The following CYTH3 variants were observed in gnomAD, a reference collection of about 807,000 sequenced individuals.
The protein encoded by CYTH3 is cytohesin 3, also known as cytohesin-3.
A neutral mutation model predicts 55.1 loss-of-function variants in CYTH3; 23 were observed. The observed-to-expected ratio is 0.42, with a 90% CI of 0.30 to 0.59. The LOEUF (loss-of-function observed/expected upper bound fraction) is 0.59. Among genes scored for constraint, CYTH3 ranks in the 20% least tolerant of loss-of-function variants. CYTH3 has a pLI of 0.20. For missense variants in CYTH3, 413 were observed against 524.8 expected (o/e 0.79, Z 2.08); for synonymous variants, 249 against 194.9 (o/e 1.28, Z -2.31).
At chr7:6,185,825 T>G (rs1346703471) in intron 4 of CYTH3, among the ~76,000 whole-genome samples, 5 of 152,128 alleles carry the variant, frequency 3.3e-5, no homozygotes, top group Non-Finnish European at 7.3e-5. Flanking sequence ...CCTGCACTTA[T>G]GTGAGTTTAC....
chr7:6,236,720 C>G (rs1224248355), intron 1 of CYTH3, among the ~76,000 whole-genome samples: 1 of 152,108 alleles, frequency 6.6e-6, no homozygotes, highest in East Asian at 1.9e-4. Flanking sequence ...TGCCACCACA[C>G]CCAGCTAATT....
chr7:6,253,585 A>G (rs1326679337), intron 1 of CYTH3, among the ~76,000 whole-genome samples: 2 of 151,978 alleles, frequency 1.3e-5, no homozygotes, highest in Non-Finnish European at 2.9e-5. Context: ...TGGGAGGCCA[A>G]GGCGGGCAGA....
chr7:6,211,397 G>A (rs1436446172), intron 1 of CYTH3, among the ~76,000 whole-genome samples: 2 of 152,278 alleles, frequency 1.3e-5, no homozygotes, highest in Non-Finnish European at 2.9e-5. Flanking sequence ...TGCGGAGCCT[G>A]ACTCCTGGCT....
chr7:6,226,789 G>C (rs767631351), intron 1 of CYTH3, among the ~76,000 whole-genome samples: 7 of 152,106 alleles, frequency 4.6e-5, no homozygotes, highest in African/African-American at 1.4e-4. Flanking sequence ...ACTGGTTTAA[G>C]AGGAAAGGGG....
chr7:6,234,406 T>G (rs532029361), intron 1 of CYTH3, among the ~76,000 whole-genome samples: 1 of 152,220 alleles, frequency 6.6e-6, no homozygotes, highest in Non-Finnish European at 1.5e-5. Flanking sequence ...ACAGAGCCTA[T>G]TGGAGGAAAA....
intron 9 of CYTH3, among the ~76,000 whole-genome samples, chr7:6,166,922 C>T (rs748110881): frequency 2.2e-4 from 33 of 152,180 alleles, no homozygotes; most frequent in Non-Finnish European, 4.3e-4. Flanking sequence ...ACCAGCCTAC[C>T]TGTTAAAGGG....
At chr7:6,272,381 G>A in intron 1 of CYTH3, 93 bp downstream of exon 1, 1 of 1,152,800 alleles carries the variant, frequency 8.7e-7, no homozygotes, top group Non-Finnish European at 1.1e-6. Flanking sequence ...CGTCTCCTCC[G>A]GCGAACCCCG....
chr7:6,272,073 A>T (rs894404717), intron 1 of CYTH3, among the ~76,000 whole-genome samples: 14 of 151,860 alleles, frequency 9.2e-5, no homozygotes, highest in Non-Finnish European at 1.9e-4. Flanking sequence ...CGCCCACCTG[A>T]GCTGAAAGGG....
intron 4 of CYTH3, among the ~76,000 whole-genome samples, chr7:6,184,982 G>A (rs966599607): frequency 6.6e-6 from 1 of 152,068 alleles, no homozygotes; most frequent in Non-Finnish European, 1.5e-5. Flanking sequence ...GCACTACTTG[G>A]GTCCCCTTAA....
chr7:6,195,517 C>T (rs1459365471), intron 1 of CYTH3, among the ~76,000 whole-genome samples: 5 of 152,048 alleles, frequency 3.3e-5, no homozygotes, highest in Admixed American at 3.3e-4. Context: ...TACAATGGCA[C>T]GATCTGGGCT....
At chr7:6,262,137 C>A (rs768475629) in intron 1 of CYTH3, among the ~76,000 whole-genome samples, 1 of 152,032 alleles carries the variant, frequency 6.6e-6, no homozygotes, top group Admixed American at 6.6e-5. Flanking sequence ...GAAGAAGATA[C>A]AGAGTGAACG....
chr7:6,179,564 G>A (rs899178435), intron 4 of CYTH3, among the ~76,000 whole-genome samples: 1 of 150,308 alleles, frequency 6.7e-6, no homozygotes, highest in Non-Finnish European at 1.5e-5. Flanking sequence ...TACCCACAGG[G>A]GCACCATCTA....
intron 1 of CYTH3, among the ~76,000 whole-genome samples, chr7:6,207,061 A>G (rs1033648246): frequency 2.7e-5 from 4 of 148,512 alleles, no homozygotes; most frequent in African/African-American, 1.0e-4. Context: ...AAACATTCCA[A>G]TTTCACAGAA....
chr7:6,252,184 A>C (rs756680534), intron 1 of CYTH3, among the ~76,000 whole-genome samples: 25 of 152,248 alleles, frequency 1.6e-4, no homozygotes, highest in Non-Finnish European at 2.8e-4. Context: ...AAATTTGAGT[A>C]CTACTGAACA....
chr7:6,256,637 G>A (rs1433547937), intron 1 of CYTH3, among the ~76,000 whole-genome samples: 3 of 152,202 alleles, frequency 2.0e-5, no homozygotes, highest in African/African-American at 7.2e-5. Context: ...GAAGGTAATA[G>A]AGACTTAAAT....
In CYTH3 at chr7:6,171,346, A is replaced by G; in HGVS notation, c.450-32T>C. On this transcript the variant is annotated intron_variant, in intron 6 of 12. Transcript: ENST00000350796. The surrounding 1 kb of genome is among the most constrained non-coding windows in gnomAD (Gnocchi z 6.7). ...AGACACCAAAGCCATGGGAAGCCGCATCAGAACCAACACCGCCTCACGGCC... is the reference window on the plus strand; with the variant it reads ...AGACACCAAAGCCATGGGAAGCCGCGTCAGAACCAACACCGCCTCACGGCC... 3 of 1,607,136 alleles carry G rather than the reference A, an allele frequency of 1.9e-6. No homozygotes were observed. The highest frequency in any genetic ancestry group is 2.6e-6 in the Non-Finnish European group (3 of 1,174,014).
chr7:6,241,831 GCT>G (rs1351043563), intron 1 of CYTH3, among the ~76,000 whole-genome samples: 1 of 152,106 alleles, frequency 6.6e-6, no homozygotes, highest in African/African-American at 2.4e-5. Context: ...GTGCGAAAAG[GCT>G]CTGTGTAGCG....
At chr7:6,260,869 T>C (rs1455272438) in intron 1 of CYTH3, among the ~76,000 whole-genome samples, 1 of 152,144 alleles carries the variant, frequency 6.6e-6, no homozygotes, top group East Asian at 1.9e-4. Flanking sequence ...CAAATTAGTC[T>C]TCTGAGCAGC....
intron 4 of CYTH3, among the ~76,000 whole-genome samples, chr7:6,181,387 G>T (rs1420054231): frequency 6.6e-6 from 1 of 152,186 alleles, no homozygotes; most frequent in Non-Finnish European, 1.5e-5. Context: ...TCTTGTGAGT[G>T]ACAGGACAGA....
Sources: gnomAD v4.1 joint callset for allele counts (sites outside exome capture counted in the v4.1 genomes callset) on GRCh38, gnomAD v4.1.1 for gene constraint, Gnocchi (gnomAD v3.1) non-coding constraint, MANE v1.5 for transcripts, NCBI Gene and HGNC (gene_info 2026-07-23, HGNC 2026-07-21) for gene names.